ZC3H6: variants seen among roughly 807,000 people sequenced by gnomAD.
ZC3H6 encodes the protein zinc finger CCCH-type containing 6.
In ZC3H6, 40 loss-of-function variants were observed where a neutral mutation model predicts 107.7. The ratio of observed to expected loss-of-function variants is 0.37; its 90% CI spans 0.29 to 0.48. The LOEUF is 0.48. ZC3H6 is among the 20% of genes least tolerant of loss of function. ZC3H6 has a pLI of 0.98. For missense variants in ZC3H6, 1,267 were observed against 1,410.4 expected (o/e 0.90, Z 1.63); for synonymous variants, 493 against 487.9 (o/e 1.01, Z -0.14).
chr2:112,283,895 T>C (rs1686565512), intron 1 of ZC3H6, among the ~76,000 whole-genome samples: 1 of 152,252 alleles, frequency 6.6e-6, no homozygotes, highest in Admixed American at 6.5e-5. Context: ...GTGACACTTG[T>C]CTAAATCTTA....
rs556642834 is a variant in ZC3H6 at position 112,296,087 on chromosome 2, A to G, written c.33-3762A>G. 1.6e-3 allele frequency among the ~76,000 whole-genome samples: 248 copies of G among 152,310 alleles called. 1 individual carries two copies. The highest frequency in any genetic ancestry group is 5.8e-3 in the African/African-American group (243 of 41,584). ...AGCAAAGTACACAATACTTAAATGTATAACTTGATGGGTTTTTACAAATGT... is the reference window on the plus strand; with the variant it reads ...AGCAAAGTACACAATACTTAAATGTGTAACTTGATGGGTTTTTACAAATGT... On this transcript the variant is annotated intron_variant, in intron 1 of 11. Coordinates refer to ENST00000409871, the MANE Select transcript of ZC3H6 (RefSeq NM_198581.3).
rs1220218898 is a variant in ZC3H6, at chr2:112,339,393, C to T, written c.*6905C>T. 5.9e-5 allele frequency: 9 copies of T among 152,092 alleles called. No individual in the cohort carries two copies. 9.4% of individuals were successfully genotyped at this position (152,092 alleles called of 1,614,324 possible). A position where few individuals can be genotyped will look rare whatever the true frequency, so the allele number is the denominator to read the frequency against. On this transcript the variant is annotated 3_prime_UTR_variant, in exon 12 of 12. Coordinates refer to ENST00000409871, the MANE Select transcript of ZC3H6 (RefSeq NM_198581.3). ...TTATAAAAGTGACAATCAAAAAAGACTCATTTGTATACTTGCCAAAGTTTA... is the reference window on the plus strand; with the variant it reads ...TTATAAAAGTGACAATCAAAAAAGATTCATTTGTATACTTGCCAAAGTTTA...
At chr2:112,277,796 CT>C (rs894376775) in intron 1 of ZC3H6, among the ~76,000 whole-genome samples, 1 of 150,114 alleles carries the variant, frequency 6.7e-6, no homozygotes, top group African/African-American at 2.5e-5. Context: ...TTTTTTCATG[CT>C]TTTTTTGTCA....
At chr2:112,306,170 A>ATTT (rs767060193) in intron 3 of ZC3H6, among the ~76,000 whole-genome samples, 1 of 115,974 alleles carries the variant, frequency 8.6e-6, no homozygotes, top group Non-Finnish European at 1.7e-5. Context: ...TGAAGTCTGT[A>ATTT]TTTCTTTTTT....
intron 2 of ZC3H6, among the ~76,000 whole-genome samples, chr2:112,300,777 A>G (rs536707650): frequency 6.6e-6 from 1 of 152,338 alleles, no homozygotes; most frequent in East Asian, 1.9e-4. Context: ...TATGAAAAAA[A>G]CAACAAGGTA....
chr2:112,321,671 A>G, intron 7 of ZC3H6, 85 bp from the exon 8 acceptor site: 1 of 650,014 alleles, frequency 1.5e-6, no homozygotes, highest in Non-Finnish European at 2.6e-6. Flanking sequence ...GAACTTAACT[A>G]TCTTGTCTAA....
At chr2:112,278,093 G>A (rs1423641293) in intron 1 of ZC3H6, among the ~76,000 whole-genome samples, 2 of 152,122 alleles carry the variant, frequency 1.3e-5, no homozygotes, top group South Asian at 4.1e-4. Context: ...TTTTTGTTCT[G>A]CCCAGAGCAA....
Position 112,291,653 on chromosome 2 carries a change from A to C in ZC3H6, c.33-8196A>C, listed in dbSNP as rs548669091. 8.5e-5 allele frequency among the ~76,000 whole-genome samples: 13 copies of C among 152,326 alleles called. No individual in the cohort carries two copies. The East Asian group carries it at 2.3e-3, about 27-fold the overall frequency. ...TAATGAGTTCAGTGTTTCTCTCCGC[A>C]CAGAAAGTGGGAGAGATAGATGAAG... On this transcript the variant is annotated intron_variant, in intron 1 of 11. Transcript: ENST00000409871.
intron 1 of ZC3H6, among the ~76,000 whole-genome samples, chr2:112,291,426 G>T (rs533102678): frequency 9.5e-3 from 1,444 of 152,024 alleles, no homozygotes; most frequent in African/African-American, 0.033. Context: ...TAGAGACGGG[G>T]TTTCGCCATG....
Position 112,335,986 on chromosome 2 carries a change from G to A in ZC3H6, c.*3498G>A, listed in dbSNP as rs1337227652. The A allele has an allele frequency of 6.6e-6, 1 of 152,154 alleles. No homozygotes were observed. 9.4% of individuals were successfully genotyped at this position (152,154 alleles called of 1,614,324 possible). ...GGTGTGTTTGTTTAAATCATAGCAT[G>A]TTTAGGCAAAGTGGCCAGCTCATTC... is the stretch of plus-strand genomic sequence containing the variant. On this transcript the variant is annotated 3_prime_UTR_variant, in exon 12 of 12. Coordinates refer to ENST00000409871, the MANE Select transcript of ZC3H6 (RefSeq NM_198581.3).
intron 6 of ZC3H6, 30 bp from the exon 7 acceptor site, chr2:112,317,191 C>CTTTTTT: frequency 8.9e-7 from 1 of 1,118,008 alleles, no homozygotes; most frequent in Non-Finnish European, 1.2e-6. Flanking sequence ...ACCTTTTTTT[C>CTTTTTT]TTTTTTCTTT....
intron 1 of ZC3H6, among the ~76,000 whole-genome samples, chr2:112,298,118 A>AAT (rs889626747): frequency 6.6e-5 from 10 of 151,998 alleles, no homozygotes; most frequent in East Asian, 1.9e-4. Context: ...TGTCTCAAAA[A>AAT]ATATATATAT....
rs752729812 is a variant in ZC3H6 at position 112,303,325 on chromosome 2, A to C, written c.310A>C (p.Arg104=). ...CCATAAAAAAAGAACTGGTTTCTAC[A>C]GGGATTATGACATTCCATTTACTCA... ...SSHKKRTGFY[R]DYDIPFTQRG... is the part of the protein sequence containing the mutation. The change falls in exon 3 of 12, where the codon AGG becomes CGG. Residue 104 remains arginine, a synonymous_variant. Coordinates refer to ENST00000409871, the MANE Select transcript of ZC3H6 (RefSeq NM_198581.3). 13 of 1,613,216 alleles carry C rather than the reference A, an allele frequency of 8.1e-6. No homozygotes were observed. In the Admixed American group the frequency reaches 1.0e-4, roughly 12 times the overall value.
chr2:112,279,341 G>C (rs1256264810), intron 1 of ZC3H6, among the ~76,000 whole-genome samples: 3 of 152,218 alleles, frequency 2.0e-5, no homozygotes, highest in Admixed American at 1.3e-4. Context: ...ATCTGTAGTA[G>C]AGTAGGAAAA....
At chr2:112,287,115 T>C (rs1219481284) in intron 1 of ZC3H6, among the ~76,000 whole-genome samples, 2 of 152,020 alleles carry the variant, frequency 1.3e-5, no homozygotes, top group African/African-American at 4.8e-5. Flanking sequence ...GTGGAAAGTA[T>C]CAACTTTTTA....
chr2:112,316,534 A>T lies in ZC3H6; in HGVS notation c.812A>T (p.Glu271Val). ...GAATTTATTAATCAGCACACAGTGG[A>T]ACACAAAGGAAAACAAATCTGTAAA... Reference protein sequence around the residue: ...TQEFINQHTVEHKGKQICKYF... With the variant: ...TQEFINQHTVVHKGKQICKYF... The change falls in exon 6 of 12, where the codon GAA becomes GTA. Residue 271 changes from glutamate (E) to valine (V), a missense_variant. Glu to Val is a moderately radical substitution (Grantham distance 121). This residue lies in a region of ZC3H6 where 337 missense variants were observed against 361.2 expected (regional missense o/e 0.93). Transcript: ENST00000409871. The T allele has an allele frequency of 6.2e-7, 1 of 1,610,946 alleles. No homozygotes were observed. Among genetic ancestry groups the T allele is most frequent in the Non-Finnish European group, 8.5e-7 (1 of 1,178,722 alleles).
chr2:112,303,111 C>T, intron 2 of ZC3H6, 118 bp from the exon 3 acceptor site: 1 of 1,305,528 alleles, frequency 7.7e-7, no homozygotes, highest in Non-Finnish European at 1.0e-6. Context: ...ACTTCAGAGT[C>T]TCCTGGAATA....
At chr2:112,288,856 A>G (rs1676006498) in intron 1 of ZC3H6, among the ~76,000 whole-genome samples, 1 of 151,994 alleles carries the variant, frequency 6.6e-6, no homozygotes. Flanking sequence ...TTAGGTAGAA[A>G]TTGCTGTTAG....
chr2:112,308,140 GTTTTGGCT>G (rs143334864), intron 3 of ZC3H6, among the ~76,000 whole-genome samples: 617 of 152,156 alleles, frequency 4.1e-3, no homozygotes, highest in Non-Finnish European at 6.6e-3. Flanking sequence ...CAGAAACACT[GTTTTGGCT>G]ACAATCATAA....
Sources: gnomAD v4.1 joint callset for allele counts (sites outside exome capture counted in the v4.1 genomes callset) on GRCh38, gnomAD v4.1.1 for gene constraint, gnomAD v4.1.1 regional missense constraint, MANE v1.5 for transcripts, NCBI Gene and HGNC (gene_info 2026-07-23, HGNC 2026-07-21) for gene names.